Variants in NARS1 observed in about 807,000 individuals in gnomAD.
NARS1 encodes asparaginyl-tRNA synthetase 1, also known as asparagine--tRNA ligase, cytoplasmic.
In NARS1, 65 loss-of-function variants were observed where a neutral mutation model predicts 79.2. The ratio of observed to expected loss-of-function variants is 0.82; its 90% CI spans 0.67 to 1.01. NARS1 has a LOEUF of 1.01. Ranked by LOEUF, NARS1 falls within the 50% of genes least tolerant of loss-of-function variation. The pLI is 0.00. For synonymous variants in NARS1, 229 were observed against 238.8 expected, an observed-to-expected ratio of 0.96 and a Z score of 0.38; for missense variants, 649 against 673.8, an observed-to-expected ratio of 0.96 and a Z score of 0.41.
At chr18:57,611,814 G>T in intron 5 of NARS1, 107 bp from the exon 6 acceptor site, 1 of 468,062 alleles carries the variant, frequency 2.1e-6, no homozygotes, top group Non-Finnish European at 3.4e-6. Context: ...CCAGGCTAGA[G>T]TGCAGTGGCA....
intron 9 of NARS1, 81 bp from the exon 10 acceptor site, chr18:57,606,832 C>T: frequency 6.4e-7 from 1 of 1,566,264 alleles, no homozygotes; most frequent in South Asian, 1.2e-5. Context: ...CATTGGGAAG[C>T]TGTCCATAAA....
chr18:57,610,114 A>ACTTTAGTTTCCT (rs199980171), intron 6 of NARS1, among the ~76,000 whole-genome samples: 18,594 of 152,254 alleles, frequency 0.12, 2,236 homozygotes, highest in African/African-American at 0.31. Context: ...TCATTAGGAA[A>ACTTTAGTTTCCT]AAACTGATGG....
chr18:57,611,692 A>C lies in NARS1; in HGVS notation c.437T>G (p.Phe146Cys), dbSNP rs1357666704. ...RLRRQGKNLM[F>C]LVLRDGTGYL... ...ACCTGTACCATCTCGCAACACCAGA[A>C]ACATTAAATTCTTTCCTAAAAAATG... The change falls in exon 6 of 14, where the codon TTT (phenylalanine) becomes TGT (cysteine). Residue 146 changes from phenylalanine to cysteine, a missense_variant. Transcript: ENST00000256854. 1 of 1,590,590 alleles carries C rather than the reference A, an allele frequency of 6.3e-7. No homozygotes were observed. The highest frequency in any genetic ancestry group is 1.8e-5 in the Admixed American group (1 of 56,456).
At chr18:57,604,045 T>C (rs778620878) in intron 11 of NARS1, among the ~76,000 whole-genome samples, 4 of 152,204 alleles carry the variant, frequency 2.6e-5, no homozygotes, top group Non-Finnish European at 5.9e-5. Context: ...AAACAGATGT[T>C]ACTTCCAAGG....
At chr18:57,602,259 A>C in intron 13 of NARS1, 96 bp downstream of exon 13, 1 of 1,176,474 alleles carries the variant, frequency 8.5e-7, no homozygotes, top group Non-Finnish European at 1.2e-6. Context: ...TCAAATACCA[A>C]AGTACTACCC....
chr18:57,602,955 C>G lies in NARS1; in HGVS notation c.1252-12G>C, dbSNP rs1306952493. 6.2e-7 allele frequency: 1 copy of G among 1,613,602 alleles called. No individual in the cohort carries two copies. The highest frequency in any genetic ancestry group is 1.1e-5 in the South Asian group (1 of 91,034). On this transcript the variant is annotated splice_polypyrimidine_tract_variant and intron_variant, in intron 11 of 13. Coordinates refer to ENST00000256854, the MANE Select transcript of NARS1 (RefSeq NM_004539.4). ...GCTTCTGGGATATCCTGAGGTCAAA[C>G]AAGACTTCATTAACATTTACAACTT...
chr18:57,609,034 TCTTTGA>T (rs1212824325), intron 7 of NARS1, among the ~76,000 whole-genome samples: 9 of 152,234 alleles, frequency 5.9e-5, no homozygotes, highest in South Asian at 2.1e-4. Context: ...TTACACCAGT[TCTTTGA>T]CAGGGGCTCC....
intron 11 of NARS1, among the ~76,000 whole-genome samples, chr18:57,603,897 C>A (rs1000098934): frequency 4.6e-5 from 7 of 152,192 alleles, no homozygotes; most frequent in Admixed American, 3.3e-4. Context: ...TTCATACCCC[C>A]CAAAGCCTGA....
chr18:57,620,503 C>A, intron 2 of NARS1, 66 bp downstream of exon 2: 1 of 1,127,554 alleles, frequency 8.9e-7, no homozygotes, highest in South Asian at 1.4e-5. Context: ...CTTGGCAAGT[C>A]ACAAGAAAAT....
chr18:57,605,652 G>A (rs968034999), intron 11 of NARS1, among the ~76,000 whole-genome samples: 7 of 150,536 alleles, frequency 4.7e-5, no homozygotes, highest in African/African-American at 9.8e-5. Flanking sequence ...ACTCACTTAC[G>A]CTTACTGGGT....
Position 57,609,503 on chromosome 18 carries a change from T to A in NARS1, c.493-60A>T, listed in dbSNP as rs999964191. ...ACATTGATTTAAAAATTCTACCATA[T>A]AGAAAGTTAAAGGGATTGTTTACAA... On this transcript the variant is annotated intron_variant, in intron 6 of 13. Coordinates refer to ENST00000256854, the MANE Select transcript of NARS1 (RefSeq NM_004539.4). 2.0e-5 allele frequency: 28 copies of A among 1,403,262 alleles called. No homozygotes were observed. The African/African-American group carries it at 3.0e-4, about 15-fold the overall frequency. 86.9% of individuals were successfully genotyped at this position (1,403,262 alleles called of 1,614,324 possible).
chr18:57,619,243 T>C (rs1908189951), intron 2 of NARS1, among the ~76,000 whole-genome samples: 2 of 144,908 alleles, frequency 1.4e-5, no homozygotes, highest in South Asian at 4.4e-4. Context: ...CACAGGTGCA[T>C]ACCATACCAC....
intron 5 of NARS1, 74 bp downstream of exon 5, chr18:57,613,528 T>C: frequency 7.5e-7 from 1 of 1,341,048 alleles, no homozygotes. Flanking sequence ...CCCCTGCAAA[T>C]CTTTGTATGT....
chr18:57,605,809 T>C lies in NARS1; in HGVS notation c.1251+48A>G, dbSNP rs559660834. Reference sequence around the variant, plus strand: ...TAGTTCATTAACCAGAAGAAGAGAATTGGAGCCCAATCCCACCTTGGAAAC... The same window carrying C: ...TAGTTCATTAACCAGAAGAAGAGAACTGGAGCCCAATCCCACCTTGGAAAC... On this transcript the variant is annotated intron_variant, in intron 11 of 13. Coordinates refer to ENST00000256854, the MANE Select transcript of NARS1 (RefSeq NM_004539.4). 4 of 1,270,808 alleles carry C rather than the reference T, an allele frequency of 3.1e-6. 1 individual carries two copies. In the African/African-American group the frequency reaches 4.5e-5, roughly 14 times the overall value. The allele number at this position is 1,270,808 out of a possible 1,614,324, so 78.7% of individuals were successfully genotyped here.
chr18:57,620,749 C>T (rs566033166), intron 1 of NARS1, 98 bp from the exon 2 acceptor site: 4 of 633,946 alleles, frequency 6.3e-6, no homozygotes, highest in African/African-American at 1.9e-5. Flanking sequence ...GAACAAGCAT[C>T]GATTAATAAA....
intron 2 of NARS1, among the ~76,000 whole-genome samples, chr18:57,618,289 CAAA>C (rs34320460): frequency 8.1e-6 from 1 of 122,836 alleles, no homozygotes; most frequent in Non-Finnish European, 1.6e-5. Flanking sequence ...AACTCTGTCT[CAAA>C]AAAAAAAAAA....
intron 2 of NARS1, among the ~76,000 whole-genome samples, chr18:57,616,515 A>G (rs1220040638): frequency 1.3e-5 from 2 of 152,150 alleles, no homozygotes; most frequent in African/African-American, 2.4e-5. Flanking sequence ...TATACACGAT[A>G]CAGTTCCCCA....
Position 57,613,759 on chromosome 18 carries a change from G to A in NARS1, c.343-79C>T, listed in dbSNP as rs149960772. On this transcript the variant is annotated intron_variant, in intron 4 of 13. Transcript: ENST00000256854. Reference sequence around the variant, plus strand: ...ACTTTTTCACTAATATTAGGCAGACGGTAGTAAGTGTTAAAAATCACAAAT... The same window carrying A: ...ACTTTTTCACTAATATTAGGCAGACAGTAGTAAGTGTTAAAAATCACAAAT... 105 of 1,168,294 alleles carry A rather than the reference G, an allele frequency of 9.0e-5. No individual in the cohort carries two copies. The African/African-American group carries it at 1.0e-3, about 12-fold the overall frequency. 72.4% of individuals were successfully genotyped at this position (1,168,294 alleles called of 1,614,324 possible).
intron 2 of NARS1, 70 bp downstream of exon 2, chr18:57,620,499 A>C (rs1218330042): frequency 2.8e-6 from 3 of 1,070,764 alleles, no homozygotes; most frequent in Non-Finnish European, 4.2e-6. Flanking sequence ...AGTTCTTGGC[A>C]AGTCACAAGA....
Sources: allele counts gnomAD v4.1 joint callset (sites outside exome capture counted in the v4.1 genomes callset), GRCh38; gene constraint gnomAD v4.1.1; transcripts MANE v1.5; gene names NCBI Gene and HGNC (gene_info 2026-07-23, HGNC 2026-07-21).